ACOT7: variants seen among roughly 807,000 people sequenced by gnomAD.
ACOT7 encodes acyl-CoA thioesterase 7.
A neutral mutation model predicts 40.2 loss-of-function variants in ACOT7; 12 were observed. That is an observed-to-expected ratio of 0.30 (90% confidence interval 0.19 to 0.48). The LOEUF is 0.48. Ranked by LOEUF, ACOT7 falls within the 20% of genes least tolerant of loss-of-function variation. The probability of loss-of-function intolerance (pLI) is 0.99; values close to 1 mark genes in which losing one functional copy is unlikely to be tolerated. For missense variants in ACOT7, 395 were observed against 530.8 expected, an observed-to-expected ratio of 0.74 and a Z score of 2.51; for synonymous variants, 228 against 219.5, an observed-to-expected ratio of 1.04 and a Z score of -0.34.
chr1:6,363,933 G>A (rs896054209), intron 1 of ACOT7, among the ~76,000 whole-genome samples: 1 of 152,080 alleles, frequency 6.6e-6, no homozygotes, highest in Non-Finnish European at 1.5e-5. Context: ...GCTACTCAGG[G>A]GGTCCCAGCT....
chr1:6,340,110 C>T (rs1175874416), intron 2 of ACOT7, among the ~76,000 whole-genome samples: 4 of 152,142 alleles, frequency 2.6e-5, no homozygotes, highest in East Asian at 1.9e-4. Flanking sequence ...GGACTACAGG[C>T]GCCCGCCACC....
chr1:6,358,988 G>A lies in ACOT7; in HGVS notation c.144-9122C>T. On this transcript the variant is annotated intron_variant, in intron 1 of 8. Transcript: ENST00000361521. The surrounding 1 kb of genome is among the most constrained non-coding windows in gnomAD (Gnocchi z 4.1). ...GAGCACCCCCCACCCCCAGCTTCCT[G>A]AGCTGCCCAATCTGGCCAGGAAGAG... 2.8e-6 allele frequency: 4 copies of A among 1,415,776 alleles called. No individual in the cohort carries two copies. Among genetic ancestry groups the A allele is most frequent in the South Asian group, 1.5e-5 (1 of 67,092 alleles). The allele number at this position is 1,415,776 out of a possible 1,614,324, so 87.7% of individuals were successfully genotyped here.
rs1425291316 is a variant in ACOT7, at chr1:6,390,722, G to A, written c.143+2535C>T. Among the ~76,000 whole-genome samples the A allele has an allele frequency of 2.6e-5, 4 of 151,706 alleles. No homozygotes were observed. The East Asian group carries it at 7.7e-4, about 29-fold the overall frequency. ...AGGCCGAGGCGGGCAGATCACCTGA[G>A]GTCAGGAGTTCAAGACCAGCCTGGC... On this transcript the variant is annotated intron_variant, in intron 1 of 8. Coordinates refer to ENST00000361521, the MANE Select transcript of ACOT7 (RefSeq NM_007274.4).
At chr1:6,382,866 A>T (rs2148481131) in intron 1 of ACOT7, among the ~76,000 whole-genome samples, 1 of 151,232 alleles carries the variant, frequency 6.6e-6, no homozygotes, top group South Asian at 2.1e-4. Flanking sequence ...TATCATTAAG[A>T]TGGCAGTTTT....
chr1:6,303,103 G>T (rs60138626), intron 6 of ACOT7, among the ~76,000 whole-genome samples: 9,750 of 152,192 alleles, frequency 0.064, 415 homozygotes, highest in African/African-American at 0.12. Flanking sequence ...AATATCGAGT[G>T]CCTAAGTTTT....
rs934129883 is a variant in ACOT7, at chr1:6,270,142, C to T, written c.1015-5447G>A. Among the ~76,000 whole-genome samples the T allele has an allele frequency of 2.0e-5, 3 of 152,192 alleles. No homozygotes were observed. In the South Asian group the frequency reaches 6.2e-4, roughly 32 times the overall value. On this transcript the variant is annotated intron_variant, in intron 8 of 8. Transcript: ENST00000361521. ...TTCTCCTACCCAAGTGACAAAGGGG[C>T]CACCCTGTCCCGCTGGGTGAGAAGC...
chr1:6,369,586 C>CT (rs200546207), intron 1 of ACOT7, among the ~76,000 whole-genome samples: 4,968 of 146,198 alleles, frequency 0.034, 197 homozygotes, highest in African/African-American at 0.089. Context: ...TCTTTTTTTT[C>CT]TTTTTTTTTG....
chr1:6,368,408 G>T (rs142884700), intron 1 of ACOT7, among the ~76,000 whole-genome samples: 2 of 152,112 alleles, frequency 1.3e-5, no homozygotes, highest in South Asian at 2.1e-4. Context: ...CCGCCCCAGG[G>T]CCCTGAAGCA....
At chr1:6,382,308 G>A (rs1292096220) in intron 1 of ACOT7, among the ~76,000 whole-genome samples, 1 of 151,636 alleles carries the variant, frequency 6.6e-6, no homozygotes, top group East Asian at 1.9e-4. Flanking sequence ...GGGGGCTGAG[G>A]CAGAAGAATC....
At chr1:6,297,065 G>T (rs1281783425) in intron 6 of ACOT7, among the ~76,000 whole-genome samples, 1 of 151,712 alleles carries the variant, frequency 6.6e-6, no homozygotes, top group Non-Finnish European at 1.5e-5. Context: ...TTGACGCGGA[G>T]TCTCGCTCTG....
rs1368086668 is a variant in ACOT7, at chr1:6,301,359, C to T, written c.713-6379G>A. Reference sequence around the variant, plus strand: ...GTTGGTATGAGACTCCACAAGGGACCTCATGTTACTGAAAACCGCTCAGGA... The same window carrying T: ...GTTGGTATGAGACTCCACAAGGGACTTCATGTTACTGAAAACCGCTCAGGA... On this transcript the variant is annotated intron_variant, in intron 6 of 8. Coordinates refer to ENST00000361521, the MANE Select transcript of ACOT7 (RefSeq NM_007274.4). This position sits in a 1 kb window ranked among gnomAD's most constrained non-coding sequence, Gnocchi z 4.1. Among the ~76,000 whole-genome samples the T allele has an allele frequency of 6.6e-6, 1 of 152,184 alleles. No homozygotes were observed. The highest frequency in any genetic ancestry group is 6.5e-5 in the Admixed American group (1 of 15,274).
intron 1 of ACOT7, among the ~76,000 whole-genome samples, chr1:6,374,891 G>C (rs913942435): frequency 6.6e-6 from 1 of 152,182 alleles, no homozygotes; most frequent in Admixed American, 6.5e-5. Context: ...TGCTGAAAAC[G>C]ATGGCTTCCC....
At chr1:6,283,462 A>G (rs1050549351) in intron 7 of ACOT7, among the ~76,000 whole-genome samples, 1 of 152,062 alleles carries the variant, frequency 6.6e-6, no homozygotes, top group Admixed American at 6.5e-5. Context: ...CACTCCGCCC[A>G]GGCTCCAAAA....
rs535582985 is a variant in ACOT7 at position 6,387,523 on chromosome 1, C to A, written c.143+5734G>T. Among the ~76,000 whole-genome samples the A allele has an allele frequency of 3.9e-5, 6 of 152,286 alleles. No individual in the cohort carries two copies. The East Asian group carries it at 1.2e-3, about 29-fold the overall frequency. ...TCCCCAGTTATTCCCATGCAGGGGT[C>A]CAAGGATGGGGAGGCACATCCTTGA... On this transcript the variant is annotated intron_variant, in intron 1 of 8. Transcript: ENST00000361521.
chr1:6,296,500 C>T (rs1428996991), intron 6 of ACOT7, among the ~76,000 whole-genome samples: 4 of 152,050 alleles, frequency 2.6e-5, no homozygotes, highest in South Asian at 2.1e-4. Context: ...CTCCGCTCAC[C>T]GCAACCTCTG....
intron 6 of ACOT7, among the ~76,000 whole-genome samples, chr1:6,300,177 G>C (rs1361982003): frequency 1.3e-5 from 2 of 152,044 alleles, no homozygotes; most frequent in East Asian, 3.9e-4. Context: ...AGCTAGTCAG[G>C]GTCCTCCTAG....
chr1:6,360,766 C>T lies in ACOT7; in HGVS notation c.144-10900G>A, dbSNP rs1015563781. ...TTGGACTTGGCCTCATCCCTCCAGGCGGGCATTGCTGCCTCCCTAAGCAAC... is the reference window on the plus strand; with the variant it reads ...TTGGACTTGGCCTCATCCCTCCAGGTGGGCATTGCTGCCTCCCTAAGCAAC... On this transcript the variant is annotated intron_variant, in intron 1 of 8. Transcript: ENST00000361521. 1.0e-4 allele frequency: 161 copies of T among 1,542,908 alleles called. 1 individual carries two copies. The highest frequency in any genetic ancestry group is 2.1e-4 in the East Asian group (9 of 43,138).
rs201434397 is a variant in ACOT7, at chr1:6,339,506, G to A, written c.345C>T (p.Ser115=). The change falls in exon 3 of 9, where the codon AGC becomes AGT. Residue 115 remains serine (S), a synonymous_variant. Coordinates refer to ENST00000361521, the MANE Select transcript of ACOT7 (RefSeq NM_007274.4). ...PMCIGEVAHV[S]AEITYTSKHS... ...GCTTGGAGGTGTAGGTGATCTCCGCGCTGACATGCGCCACCTCACCGATGC... is the reference window on the plus strand; with the variant it reads ...GCTTGGAGGTGTAGGTGATCTCCGCACTGACATGCGCCACCTCACCGATGC... 54 of 1,613,698 alleles carry A rather than the reference G, an allele frequency of 3.3e-5. No homozygotes were observed. The highest frequency in any genetic ancestry group is 2.5e-4 in the Admixed American group (15 of 60,024).
chr1:6,304,494 A>C (rs1640065255), intron 6 of ACOT7, among the ~76,000 whole-genome samples: 1 of 139,972 alleles, frequency 7.1e-6, no homozygotes, highest in Non-Finnish European at 1.5e-5. Flanking sequence ...TCAGCAGATA[A>C]ACAAGTGAAC....
Sources: allele counts gnomAD v4.1 joint callset (sites outside exome capture counted in the v4.1 genomes callset), GRCh38; gene constraint gnomAD v4.1.1; non-coding constraint Gnocchi (gnomAD v3.1); transcripts MANE v1.5; gene names NCBI Gene and HGNC (gene_info 2026-07-23, HGNC 2026-07-21).